Variants in BMPER observed in about 807,000 individuals in gnomAD.
The protein encoded by BMPER is BMP-binding endothelial regulator protein.
Under a neutral mutation model 87.3 loss-of-function variants are expected in BMPER, and 45 were observed. The observed-to-expected ratio is 0.52, with a 90% CI of 0.41 to 0.66. The LOEUF is 0.66. Ranked by LOEUF, BMPER falls within the 30% of genes least tolerant of loss-of-function variation. The probability of loss-of-function intolerance (pLI) is 0.00; values close to 1 mark genes in which losing one functional copy is unlikely to be tolerated. For missense variants in BMPER, 784 were observed against 867.5 expected, an observed-to-expected ratio of 0.90 and a Z score of 1.21; for synonymous variants, 326 against 316.2, an observed-to-expected ratio of 1.03 and a Z score of -0.33.
At position 34,079,089 on chromosome 7, in the gene BMPER, C is replaced by T. The variant is rs760041868; in HGVS notation, c.1311C>T (p.Thr437=). ...ESRVSLQQHL[T]VRWNGSRIAL... is the part of the protein sequence containing the mutation. ...GGGTCAGCCTGCAGCAGCACCTCAC[C>T]GTGCGCTGGAACGGCTCGCGCATCG... The change falls in exon 12 of 15, where the codon ACC becomes ACT. Residue 437 remains threonine (T), a synonymous_variant. Coordinates refer to ENST00000649409, the MANE Select transcript of BMPER (RefSeq NM_001365308.1). 6.2e-7 allele frequency: 1 copy of T among 1,614,028 alleles called. No homozygotes were observed. Among genetic ancestry groups the T allele is most frequent in the Non-Finnish European group, 8.5e-7 (1 of 1,180,002 alleles).
intron 4 of BMPER, among the ~76,000 whole-genome samples, chr7:33,966,796 G>C (rs148317435): frequency 1.3e-5 from 2 of 152,308 alleles, no homozygotes; most frequent in East Asian, 3.9e-4. Context: ...GTCCACCATT[G>C]TTAAATTGTG....
chr7:33,959,752 T>C (rs1317919149), intron 3 of BMPER, among the ~76,000 whole-genome samples: 1 of 152,254 alleles, frequency 6.6e-6, no homozygotes, highest in East Asian at 1.9e-4. Context: ...TTGTGGTTCA[T>C]AGAATGTATT....
rs781743649 is a variant in BMPER, at chr7:34,024,181, A to G, written c.577-22125A>G. On this transcript the variant is annotated intron_variant, in intron 6 of 14. Transcript: ENST00000649409. ...AATACCAGTCTGATCAACATGGTGA[A>G]ACCCTGCATCTACTAAAAATACAAA... Among the ~76,000 whole-genome samples, 181 of 150,446 alleles carry G rather than the reference A, an allele frequency of 1.2e-3. 1 individual carries two copies. The highest frequency in any genetic ancestry group is 0.01 in the Middle Eastern group (3 of 292).
chr7:34,013,327 A>G (rs1414041242), intron 6 of BMPER, among the ~76,000 whole-genome samples: 3 of 151,662 alleles, frequency 2.0e-5, no homozygotes, highest in Non-Finnish European at 4.4e-5. Flanking sequence ...AGTTTGTATC[A>G]TCAGTATTTC....
chr7:34,124,794 G>A (rs1037428646), intron 13 of BMPER, among the ~76,000 whole-genome samples: 17 of 151,744 alleles, frequency 1.1e-4, no homozygotes, highest in African/African-American at 4.1e-4. Context: ...TCTCTAAATT[G>A]AGACAGACTC....
chr7:34,007,348 C>A (rs1007616884), intron 6 of BMPER, among the ~76,000 whole-genome samples: 1 of 152,016 alleles, frequency 6.6e-6, no homozygotes, highest in Non-Finnish European at 1.5e-5. Context: ...AGGGATTTCA[C>A]ATGCACATGT....
chr7:33,949,116 A>G (rs1257887327), intron 3 of BMPER, among the ~76,000 whole-genome samples: 2 of 152,128 alleles, frequency 1.3e-5, no homozygotes, highest in African/African-American at 4.8e-5. Flanking sequence ...TTTTCTTACT[A>G]ATTGTCCTTT....
At chr7:33,918,078 C>T (rs544863347) in intron 2 of BMPER, among the ~76,000 whole-genome samples, 64 of 152,200 alleles carry the variant, frequency 4.2e-4, no homozygotes, top group Middle Eastern at 3.4e-3. Flanking sequence ...TGGCCTCAAG[C>T]GATCCTCCTG....
chr7:34,131,923 C>T (rs1452861892), intron 13 of BMPER, among the ~76,000 whole-genome samples: 1 of 152,174 alleles, frequency 6.6e-6, no homozygotes, highest in East Asian at 1.9e-4. Context: ...GTCCTCTAAC[C>T]ATTTCCATTT....
chr7:33,989,992 A>G (rs1479903592), intron 6 of BMPER, among the ~76,000 whole-genome samples: 1 of 152,088 alleles, frequency 6.6e-6, no homozygotes, highest in African/African-American at 2.4e-5. Context: ...TTTTGGTACC[A>G]GTACCATGCT....
chr7:33,978,763 T>C (rs1785760759), intron 6 of BMPER, among the ~76,000 whole-genome samples: 1 of 152,216 alleles, frequency 6.6e-6, no homozygotes, highest in Non-Finnish European at 1.5e-5. Flanking sequence ...CACCGTAGCT[T>C]AGCCTAGCCT....
chr7:34,143,957 A>G (rs1375384235), intron 14 of BMPER, among the ~76,000 whole-genome samples: 1 of 152,210 alleles, frequency 6.6e-6, no homozygotes, highest in East Asian at 1.9e-4. Context: ...TAAGAGATGA[A>G]GCCCCAGTCA....
intron 13 of BMPER, among the ~76,000 whole-genome samples, chr7:34,112,145 T>C (rs1293127909): frequency 1.3e-5 from 2 of 152,144 alleles, no homozygotes; most frequent in African/African-American, 4.8e-5. Context: ...TTCAAACTTA[T>C]TGAGCTCAAA....
At chr7:33,911,476 A>G (rs1189738131) in intron 2 of BMPER, among the ~76,000 whole-genome samples, 1 of 152,224 alleles carries the variant, frequency 6.6e-6, no homozygotes, top group East Asian at 1.9e-4. Flanking sequence ...TTCAACCTGC[A>G]CAGAGCTAAT....
intron 6 of BMPER, among the ~76,000 whole-genome samples, chr7:34,014,976 G>A (rs1375438033): frequency 6.6e-6 from 1 of 151,780 alleles, no homozygotes; most frequent in Non-Finnish European, 1.5e-5. Flanking sequence ...TCTGCCCTCT[G>A]TGATGTCCCT....
At chr7:33,983,817 C>G (rs1051435742) in intron 6 of BMPER, among the ~76,000 whole-genome samples, 1 of 152,088 alleles carries the variant, frequency 6.6e-6, no homozygotes, top group African/African-American at 2.4e-5. Context: ...GAACGACCAG[C>G]CATTTTGAGG....
intron 3 of BMPER, among the ~76,000 whole-genome samples, chr7:33,943,018 T>C (rs1471591657): frequency 1.3e-5 from 2 of 152,174 alleles, no homozygotes. Flanking sequence ...CTTTTTCCCT[T>C]CTGACTTCTC....
chr7:34,097,859 C>T (rs1789570520), intron 13 of BMPER, among the ~76,000 whole-genome samples: 1 of 152,098 alleles, frequency 6.6e-6, no homozygotes, highest in South Asian at 2.1e-4. Context: ...AATTGCTAAA[C>T]ATTAGAGACA....
intron 5 of BMPER, among the ~76,000 whole-genome samples, chr7:33,974,210 C>T (rs1785621340): frequency 6.6e-6 from 1 of 152,144 alleles, no homozygotes; most frequent in African/African-American, 2.4e-5. Context: ...AAAGTCCCTA[C>T]TTTGTAGGAT....
Sources: allele counts gnomAD v4.1 joint callset (sites outside exome capture counted in the v4.1 genomes callset), GRCh38; gene constraint gnomAD v4.1.1; transcripts MANE v1.5; gene names NCBI Gene and HGNC (gene_info 2026-07-23, HGNC 2026-07-21).